Variants in TCEA1 observed in about 807,000 individuals in gnomAD.
The protein encoded by TCEA1 is transcription elongation factor A1.
Under a neutral mutation model 43.8 loss-of-function variants are expected in TCEA1, and 21 were observed. The ratio of observed to expected loss-of-function variants is 0.48; its 90% CI spans 0.34 to 0.69. The LOEUF (loss-of-function observed/expected upper bound fraction) is 0.69. Among genes scored for constraint, TCEA1 ranks in the 30% least tolerant of loss-of-function variants. TCEA1 has a pLI of 0.01. For missense variants in TCEA1, 250 were observed against 365.1 expected (o/e 0.68, Z 2.57); for synonymous variants, 104 against 117.5 (o/e 0.88, Z 0.75).
intron 1 of TCEA1, among the ~76,000 whole-genome samples, chr8:54,017,495 T>C (rs1412232166): frequency 6.6e-6 from 1 of 152,170 alleles, no homozygotes; most frequent in Non-Finnish European, 1.5e-5. Flanking sequence ...TTTTGAGACA[T>C]TGTCTCGCTC....
chr8:54,016,978 CAAAAAAAAAAAA>C (rs1159105172), intron 1 of TCEA1, among the ~76,000 whole-genome samples: 3 of 67,408 alleles, frequency 4.5e-5, no homozygotes, highest in Non-Finnish European at 7.0e-5. Flanking sequence ...GACTCCGTCT[CAAAAAAAAAAAA>C]AAAAAAAAAA....
At chr8:54,008,319 T>A (rs980706730) in intron 2 of TCEA1, among the ~76,000 whole-genome samples, 3 of 150,520 alleles carry the variant, frequency 2.0e-5, no homozygotes, top group African/African-American at 2.4e-5. Flanking sequence ...GTCAAACAAT[T>A]CAACAACAAC....
intron 1 of TCEA1, among the ~76,000 whole-genome samples, chr8:54,016,261 A>T (rs968806851): frequency 3.3e-5 from 5 of 152,002 alleles, no homozygotes; most frequent in African/African-American, 1.2e-4. Context: ...CAGATCATGA[A>T]GTCAGGAGAT....
chr8:54,018,065 GTA>G lies in TCEA1; in HGVS notation c.63+3996_63+3997del, dbSNP rs1448323491. 1.4e-4 allele frequency among the ~76,000 whole-genome samples: 21 copies of G among 152,280 alleles called. No homozygotes were observed. In the East Asian group the frequency reaches 1.5e-3, roughly 11 times the overall value. ...CTCGATAAAGCTGTTATTAAAAATTGTATAGTCATTCTAAATTTTGAATTATG... is the reference window on the plus strand; with the variant it reads ...CTCGATAAAGCTGTTATTAAAAATTGTAGTCATTCTAAATTTTGAATTATG... On this transcript the variant is annotated intron_variant, in intron 1 of 9. Coordinates refer to ENST00000521604, the MANE Select transcript of TCEA1 (RefSeq NM_006756.4).
intron 1 of TCEA1, among the ~76,000 whole-genome samples, chr8:54,011,100 G>A (rs1460406180): frequency 1.3e-5 from 2 of 152,150 alleles, no homozygotes; most frequent in South Asian, 2.1e-4. Context: ...ACCATGCCTG[G>A]CATTATAACT....
At chr8:53,996,181 C>T (rs1214623318) in intron 3 of TCEA1, among the ~76,000 whole-genome samples, 2 of 152,226 alleles carry the variant, frequency 1.3e-5, no homozygotes. Context: ...TGAATTAGTA[C>T]AATCCTTTTA....
At chr8:53,968,978 A>T (rs184867671) in intron 9 of TCEA1, among the ~76,000 whole-genome samples, 4 of 152,160 alleles carry the variant, frequency 2.6e-5, no homozygotes, top group Admixed American at 2.6e-4. Flanking sequence ...CCAGCTCAGA[A>T]CTAAATCTTT....
chr8:53,978,329 G>A (rs1320458061), intron 8 of TCEA1, among the ~76,000 whole-genome samples: 1 of 152,074 alleles, frequency 6.6e-6, no homozygotes, highest in African/African-American at 2.4e-5. Context: ...GTTATCCATG[G>A]TTTTGCTTTC....
intron 6 of TCEA1, among the ~76,000 whole-genome samples, chr8:53,985,125 T>C (rs1235839834): frequency 6.6e-6 from 1 of 152,006 alleles, no homozygotes; most frequent in Non-Finnish European, 1.5e-5. Flanking sequence ...GCAGTTCTCC[T>C]ACCTCAGCCT....
chr8:54,010,231 T>A (rs1242622709), intron 2 of TCEA1, 199 bp downstream of exon 2: 1 of 466,512 alleles, frequency 2.1e-6, no homozygotes, highest in Non-Finnish European at 3.8e-6. Flanking sequence ...GGTTTTATTC[T>A]CCTTAAGAAA....
chr8:54,011,681 C>T (rs1053693012), intron 1 of TCEA1, among the ~76,000 whole-genome samples: 56 of 152,160 alleles, frequency 3.7e-4, no homozygotes, highest in Non-Finnish European at 5.3e-4. Context: ...TCATTCAACA[C>T]GCCAAAGGAA....
Position 54,002,488 on chromosome 8 carries a change from A to AG in TCEA1, c.127-2439dup, listed in dbSNP as rs558265176. On this transcript the variant is annotated intron_variant, in intron 2 of 9. Coordinates refer to ENST00000521604, the MANE Select transcript of TCEA1 (RefSeq NM_006756.4). ...CGTCTCAAAAAAAAAAAGAAAAAAA[A>AG]GAAATGAAGCTGCTGAGGTAGAATG... Among the ~76,000 whole-genome samples the AG allele has an allele frequency of 1.8e-4, 28 of 152,142 alleles. No homozygotes were observed. In the South Asian group the frequency reaches 5.4e-3, roughly 29 times the overall value.
At position 53,967,855 on chromosome 8, in the gene TCEA1, A is replaced by T. The variant is rs1205673001; in HGVS notation, c.*249T>A. On this transcript the variant is annotated 3_prime_UTR_variant, in exon 10 of 10. Coordinates refer to ENST00000521604, the MANE Select transcript of TCEA1 (RefSeq NM_006756.4). ...AGAAATATTGCCAAGAGTTTAATTA[A>T]TATCAACTTACTTATAAAAACAGAA... 1 of 396,032 alleles carries T rather than the reference A, an allele frequency of 2.5e-6. No homozygotes were observed. Among genetic ancestry groups the T allele is most frequent in the African/African-American group, 2.0e-5 (1 of 49,404 alleles). 24.5% of individuals were successfully genotyped at this position (396,032 alleles called of 1,614,324 possible). A position where few individuals can be genotyped will look rare whatever the true frequency, so the allele number is the denominator to read the frequency against.
intron 8 of TCEA1, chr8:53,973,283 G>C: frequency 2.0e-6 from 1 of 502,226 alleles, no homozygotes; most frequent in Non-Finnish European, 3.7e-6. Context: ...GTGGGTTCCA[G>C]GTCTTAAAGA....
intron 4 of TCEA1, among the ~76,000 whole-genome samples, chr8:53,988,754 A>G (rs1477696927): frequency 6.6e-6 from 1 of 152,062 alleles, no homozygotes; most frequent in African/African-American, 2.4e-5. Flanking sequence ...AACTAGAGAT[A>G]GAGAGAGAGA....
chr8:54,015,093 A>G (rs1586039885), intron 1 of TCEA1, among the ~76,000 whole-genome samples: 1 of 152,224 alleles, frequency 6.6e-6, no homozygotes, highest in Non-Finnish European at 1.5e-5. Context: ...TCAATCAAGT[A>G]AAACAGTTAC....
chr8:53,985,904 T>C (rs900848399), intron 6 of TCEA1, among the ~76,000 whole-genome samples: 3 of 152,212 alleles, frequency 2.0e-5, no homozygotes, highest in African/African-American at 7.2e-5. Flanking sequence ...AGTCTCAATC[T>C]ACAAGGCAGA....
At chr8:54,008,106 C>T (rs1248322859) in intron 2 of TCEA1, among the ~76,000 whole-genome samples, 3 of 143,430 alleles carry the variant, frequency 2.1e-5, no homozygotes, top group Non-Finnish European at 4.5e-5. Flanking sequence ...TGCTTGAATC[C>T]AGAAGGCTGA....
intron 2 of TCEA1, among the ~76,000 whole-genome samples, chr8:54,001,882 A>G (rs570916103): frequency 5.3e-5 from 8 of 151,978 alleles, no homozygotes; most frequent in African/African-American, 1.9e-4. Flanking sequence ...GGTGGCTCAC[A>G]CCTGTAATCC....
Sources: gnomAD v4.1 joint callset for allele counts (sites outside exome capture counted in the v4.1 genomes callset) on GRCh38, gnomAD v4.1.1 for gene constraint, MANE v1.5 for transcripts, NCBI Gene and HGNC (gene_info 2026-07-23, HGNC 2026-07-21) for gene names.